Variants in KLF12 observed in about 807,000 individuals in gnomAD.
KLF12 encodes Krueppel-like factor 12.
KLF12 carries 9 observed loss-of-function variants against 37.8 expected under a neutral mutation model. That is an observed-to-expected ratio of 0.24 (90% CI 0.14 to 0.42). The LOEUF is 0.42. Among genes scored for constraint, KLF12 ranks in the 10% least tolerant of loss-of-function variants. The probability of loss-of-function intolerance (pLI) is 1.00; values close to 1 mark genes in which losing one functional copy is unlikely to be tolerated. For synonymous variants in KLF12, 208 were observed against 202.1 expected (o/e 1.03, Z -0.25); for missense variants, 411 against 516.0 (o/e 0.80, Z 1.97).
At chr13:74,101,085 G>A (rs886294473) in intron 1 of KLF12, among the ~76,000 whole-genome samples, 1 of 152,106 alleles carries the variant, frequency 6.6e-6, no homozygotes, top group African/African-American at 2.4e-5. Context: ...CTGCATATAA[G>A]ACAACTTTTG....
chr13:74,044,615 G>C lies in KLF12; in HGVS notation c.-31-49562C>G, dbSNP rs575539105. 2.4e-4 allele frequency among the ~76,000 whole-genome samples: 37 copies of C among 152,246 alleles called. 1 individual carries two copies. In the South Asian group the frequency reaches 7.7e-3, roughly 32 times the overall value. Reference sequence around the variant, plus strand: ...TAATCCCAGCACTTTGGGAGGCCAAGGCAGGTGAATCACGAGGTCAGGAGA... The same window carrying C: ...TAATCCCAGCACTTTGGGAGGCCAACGCAGGTGAATCACGAGGTCAGGAGA... On this transcript the variant is annotated intron_variant, in intron 1 of 7. Coordinates refer to ENST00000377669, the MANE Select transcript of KLF12 (RefSeq NM_007249.5).
chr13:74,127,515 T>C (rs17222191), intron 1 of KLF12, among the ~76,000 whole-genome samples: 2,395 of 152,312 alleles, frequency 0.016, 28 homozygotes, highest in Middle Eastern at 0.02. Context: ...GATGCTGATG[T>C]TTGCAGTGAT....
At chr13:74,107,681 A>T (rs916006833) in intron 1 of KLF12, among the ~76,000 whole-genome samples, 2 of 152,234 alleles carry the variant, frequency 1.3e-5, no homozygotes, top group African/African-American at 4.8e-5. Context: ...AATAAAAGGC[A>T]GAGAAATAAA....
At chr13:74,242,939 A>G in the KLF12 span, among the ~76,000 whole-genome samples, 5 of 152,178 alleles carry the variant, frequency 3.3e-5, no homozygotes, top group African/African-American at 1.2e-4. Context: ...TGGCAGTGAG[A>G]GCACTTTTCT....
the KLF12 span, among the ~76,000 whole-genome samples, chr13:74,201,309 G>T: frequency 1.3e-5 from 2 of 152,092 alleles, no homozygotes; most frequent in African/African-American, 2.4e-5. Flanking sequence ...GTCTGTATTG[G>T]TCACATCCTC....
At chr13:74,014,907 A>G (rs770977868) in intron 1 of KLF12, among the ~76,000 whole-genome samples, 9 of 152,220 alleles carry the variant, frequency 5.9e-5, no homozygotes, top group Non-Finnish European at 1.3e-4. Context: ...TAAAGCTGTG[A>G]GGTTAAGAGT....
chr13:74,169,759 A>C, the KLF12 span, among the ~76,000 whole-genome samples: 1 of 152,212 alleles, frequency 6.6e-6, no homozygotes, highest in East Asian at 1.9e-4. Context: ...GCAGAAACAA[A>C]AGATAATGCC....
the KLF12 span, among the ~76,000 whole-genome samples, chr13:74,140,351 T>A: frequency 6.6e-6 from 1 of 152,140 alleles, no homozygotes; most frequent in Non-Finnish European, 1.5e-5. Context: ...AGAGAGACTC[T>A]GTCTCTACCA....
At chr13:73,714,602 T>C (rs1342790723) in intron 7 of KLF12, among the ~76,000 whole-genome samples, 1 of 152,102 alleles carries the variant, frequency 6.6e-6, no homozygotes, top group Non-Finnish European at 1.5e-5. Context: ...GGTGGAACTG[T>C]GGGGCCCTCT....
At chr13:73,897,977 T>C (rs1370031141) in intron 3 of KLF12, among the ~76,000 whole-genome samples, 1 of 152,206 alleles carries the variant, frequency 6.6e-6, no homozygotes, top group Non-Finnish European at 1.5e-5. Context: ...CTTTAAGTTC[T>C]TCAAGATTCT....
intron 2 of KLF12, among the ~76,000 whole-genome samples, chr13:73,973,121 C>T (rs1008068487): frequency 4.6e-5 from 7 of 152,040 alleles, no homozygotes; most frequent in Admixed American, 1.3e-4. Context: ...ATATGTTTTG[C>T]CCCAGGAAAT....
chr13:73,701,777 A>G (rs912054654), intron 7 of KLF12, among the ~76,000 whole-genome samples: 1 of 152,128 alleles, frequency 6.6e-6, no homozygotes, highest in Non-Finnish European at 1.5e-5. Context: ...TAGGTCTTCA[A>G]TTCTGAAGGG....
At chr13:74,290,866 A>C in the KLF12 span, among the ~76,000 whole-genome samples, 1 of 152,256 alleles carries the variant, frequency 6.6e-6, no homozygotes, top group Non-Finnish European at 1.5e-5. Context: ...TTGCACAGCA[A>C]ACGCAACATA....
intron 3 of KLF12, among the ~76,000 whole-genome samples, chr13:73,890,400 G>C (rs1446777103): frequency 3.9e-5 from 6 of 151,912 alleles, no homozygotes. Context: ...ATTGATATCA[G>C]GATTATCCCA....
At chr13:73,967,506 T>C (rs1022813863) in intron 2 of KLF12, among the ~76,000 whole-genome samples, 1 of 152,196 alleles carries the variant, frequency 6.6e-6, no homozygotes, top group African/African-American at 2.4e-5. Context: ...GAGGAGTCCA[T>C]GCCATCACCT....
intron 3 of KLF12, among the ~76,000 whole-genome samples, chr13:73,929,061 T>C (rs1889543399): frequency 6.6e-6 from 1 of 152,202 alleles, no homozygotes; most frequent in South Asian, 2.1e-4. Context: ...ATGAATGTGT[T>C]TGAAATCAAA....
At chr13:73,757,349 A>G (rs1879242780) in intron 6 of KLF12, among the ~76,000 whole-genome samples, 1 of 152,138 alleles carries the variant, frequency 6.6e-6, no homozygotes, top group Non-Finnish European at 1.5e-5. Flanking sequence ...CACGCTATCT[A>G]TTGCTCTCTT....
At chr13:73,821,542 T>G (rs1411341353) in intron 4 of KLF12, among the ~76,000 whole-genome samples, 3 of 152,230 alleles carry the variant, frequency 2.0e-5, no homozygotes, top group Non-Finnish European at 4.4e-5. Flanking sequence ...ACCCAATGAT[T>G]ATTTTCTTTT....
intron 3 of KLF12, among the ~76,000 whole-genome samples, chr13:73,905,282 T>C (rs1439412518): frequency 5.9e-5 from 9 of 152,204 alleles, no homozygotes. Context: ...ATTATTGTTT[T>C]ACTTGTAAAA....
Sources: allele counts gnomAD v4.1 joint callset (sites outside exome capture counted in the v4.1 genomes callset), GRCh38; gene constraint gnomAD v4.1.1; transcripts MANE v1.5; gene names NCBI Gene and HGNC (gene_info 2026-07-23, HGNC 2026-07-21).